The following ATG10 variants were observed in gnomAD, a reference collection of about 807,000 sequenced individuals.
The protein encoded by ATG10 is ubiquitin-like-conjugating enzyme ATG10.
ATG10 carries 30 observed loss-of-function variants against 32.1 expected under a neutral mutation model. The ratio of observed to expected loss-of-function variants is 0.94; its 90% CI spans 0.70 to 1.27. ATG10 has a LOEUF of 1.27. Ranked by LOEUF, ATG10 falls within the 50% of genes most tolerant of loss-of-function variation. The pLI is 0.00. For synonymous variants in ATG10, 87 were observed against 91.5 expected, an observed-to-expected ratio of 0.95 and a Z score of 0.28; for missense variants, 233 against 262.3, an observed-to-expected ratio of 0.89 and a Z score of 0.77.
chr5:82,041,802 GT>G (rs917959365), intron 2 of ATG10, among the ~76,000 whole-genome samples: 33 of 146,322 alleles, frequency 2.3e-4, no homozygotes, highest in African/African-American at 6.7e-4. Flanking sequence ...GATTTTTTCA[GT>G]TTTTTTTTTG....
chr5:82,021,201 A>C (rs1198149873), intron 2 of ATG10, among the ~76,000 whole-genome samples: 1 of 152,180 alleles, frequency 6.6e-6, no homozygotes, highest in Non-Finnish European at 1.5e-5. Context: ...AGATATAGAT[A>C]AAATGTATGG....
chr5:82,229,332 T>A (rs911688260), intron 5 of ATG10, among the ~76,000 whole-genome samples: 1 of 152,206 alleles, frequency 6.6e-6, no homozygotes, highest in African/African-American at 2.4e-5. Context: ...AAGGAACTAT[T>A]TTCTACTTTA....
At position 82,063,493 on chromosome 5, in the gene ATG10, A is replaced by C. The variant is rs1764406122; in HGVS notation, c.216+4891A>C. Among the ~76,000 whole-genome samples, 2 of 151,272 alleles carry C rather than the reference A, an allele frequency of 1.3e-5. 1 individual carries two copies. Among genetic ancestry groups the C allele is most frequent in the South Asian group, 4.2e-4 (2 of 4,778 alleles). On this transcript the variant is annotated intron_variant, in intron 3 of 7. Transcript: ENST00000282185. Reference sequence around the variant, plus strand: ...TTAAAAAATGCAATGAACTGCTAACAATTTTTTTTTTTTTTTTGAAATAGA... The same window carrying C: ...TTAAAAAATGCAATGAACTGCTAACCATTTTTTTTTTTTTTTTGAAATAGA...
intron 5 of ATG10, among the ~76,000 whole-genome samples, chr5:82,250,873 G>A (rs1747230287): frequency 2.0e-5 from 3 of 152,226 alleles, no homozygotes; most frequent in Admixed American, 6.5e-5. Flanking sequence ...TTTAAGGCAG[G>A]TAAGGGAAAC....
intron 2 of ATG10, among the ~76,000 whole-genome samples, chr5:82,014,768 C>G (rs561671654): frequency 1.3e-4 from 20 of 152,278 alleles, no homozygotes; most frequent in African/African-American, 4.8e-4. Context: ...ACTGATGGGC[C>G]TTGACTCTAT....
chr5:82,143,364 A>T (rs1482396056), intron 3 of ATG10, among the ~76,000 whole-genome samples: 2 of 152,246 alleles, frequency 1.3e-5, no homozygotes, highest in Non-Finnish European at 2.9e-5. Flanking sequence ...AACGGTCGTT[A>T]GAGTCATGGG....
intron 3 of ATG10, among the ~76,000 whole-genome samples, chr5:82,118,301 T>A (rs985989170): frequency 7.2e-6 from 1 of 139,418 alleles, no homozygotes; most frequent in African/African-American, 2.8e-5. Flanking sequence ...GTCTTTCTTG[T>A]GTGTGTGTGT....
chr5:82,209,517 A>G (rs1745419367), intron 5 of ATG10, among the ~76,000 whole-genome samples: 2 of 152,214 alleles, frequency 1.3e-5, no homozygotes, highest in Admixed American at 1.3e-4. Context: ...GCTCTTAACA[A>G]GCACCATGTG....
At chr5:82,184,603 T>C (rs977495392) in intron 5 of ATG10, among the ~76,000 whole-genome samples, 49 of 152,150 alleles carry the variant, frequency 3.2e-4, no homozygotes, top group African/African-American at 1.0e-3. Context: ...CATCCTGACT[T>C]TTGTGGGCCT....
intron 2 of ATG10, among the ~76,000 whole-genome samples, chr5:82,039,252 A>G (rs1258573776): frequency 6.6e-6 from 1 of 152,234 alleles, no homozygotes. Flanking sequence ...AGAATGTTAC[A>G]TAGATTAGCA....
chr5:82,129,840 G>T (rs566653820), intron 3 of ATG10, among the ~76,000 whole-genome samples: 1 of 152,208 alleles, frequency 6.6e-6, no homozygotes, highest in Non-Finnish European at 1.5e-5. Flanking sequence ...CACTTGAGGA[G>T]GCGGTCTGTC....
chr5:82,060,790 G>C (rs1763741209), intron 3 of ATG10, among the ~76,000 whole-genome samples: 1 of 152,060 alleles, frequency 6.6e-6, no homozygotes, highest in South Asian at 2.1e-4. Flanking sequence ...GAGCCTGGGA[G>C]GTGGAGGTTG....
At chr5:82,181,436 G>A (rs1216064929) in intron 5 of ATG10, among the ~76,000 whole-genome samples, 1 of 152,060 alleles carries the variant, frequency 6.6e-6, no homozygotes, top group Non-Finnish European at 1.5e-5. Flanking sequence ...TCCCAGATTG[G>A]TTAATGGGTT....
chr5:82,190,374 A>G (rs1025003054), intron 5 of ATG10, among the ~76,000 whole-genome samples: 3 of 151,936 alleles, frequency 2.0e-5, no homozygotes, highest in African/African-American at 7.2e-5. Flanking sequence ...ATAAAAATAC[A>G]CATGCAAATG....
intron 5 of ATG10, among the ~76,000 whole-genome samples, chr5:82,234,769 G>T (rs1746493489): frequency 6.6e-6 from 1 of 152,074 alleles, no homozygotes; most frequent in African/African-American, 2.4e-5. Context: ...ACACTTGTTT[G>T]TGTGATTCCC....
At chr5:82,144,702 T>A (rs1767277138) in intron 3 of ATG10, among the ~76,000 whole-genome samples, 1 of 144,280 alleles carries the variant, frequency 6.9e-6, no homozygotes, top group East Asian at 2.4e-4. Context: ...TTAAATTTAT[T>A]TAAGATGTCT....
chr5:82,061,768 A>G (rs1211850739), intron 3 of ATG10, among the ~76,000 whole-genome samples: 1 of 106,974 alleles, frequency 9.3e-6, no homozygotes, highest in Non-Finnish European at 2.0e-5. Context: ...ATACATATAT[A>G]TACATGTACA....
Position 82,203,136 on chromosome 5 carries a change from G to A in ATG10, c.453+24549G>A, listed in dbSNP as rs557203106. 1.2e-4 allele frequency among the ~76,000 whole-genome samples: 19 copies of A among 152,126 alleles called. No individual in the cohort carries two copies. The South Asian group carries it at 2.9e-3, about 23-fold the overall frequency. On this transcript the variant is annotated intron_variant, in intron 5 of 7. Transcript: ENST00000282185. ...CCAGCTACTCAGGAGGCTGAGACAG[G>A]AGAATTGCTTGAACCTGGGTGGCAG...
intron 3 of ATG10, among the ~76,000 whole-genome samples, chr5:82,066,125 G>A (rs990160334): frequency 1.1e-4 from 16 of 152,194 alleles, no homozygotes; most frequent in African/African-American, 3.9e-4. Flanking sequence ...TATTTCCTAT[G>A]TAACTCGTGT....
Sources: allele counts gnomAD v4.1 joint callset (sites outside exome capture counted in the v4.1 genomes callset), GRCh38; gene constraint gnomAD v4.1.1; transcripts MANE v1.5; gene names NCBI Gene and HGNC (gene_info 2026-07-23, HGNC 2026-07-21).